Variants in ABHD16A observed in about 807,000 individuals in gnomAD.
ABHD16A encodes the protein abhydrolase domain containing 16A, phospholipase.
In ABHD16A, 47 loss-of-function variants were observed where a neutral mutation model predicts 89.8. That is an observed-to-expected ratio of 0.52 (90% CI 0.41 to 0.67). The LOEUF is 0.67. Ranked by LOEUF, ABHD16A falls within the 30% of genes least tolerant of loss-of-function variation. The pLI, the probability that ABHD16A is intolerant of heterozygous loss-of-function variation, is 0.00. For missense variants in ABHD16A, 580 were observed against 734.6 expected (o/e 0.79, Z 2.43); for synonymous variants, 251 against 280.4 (o/e 0.90, Z 1.05).
intron 3 of ABHD16A, 24 bp downstream of exon 3, chr6:31,701,250 C>T (rs1262968774): frequency 6.2e-7 from 1 of 1,605,304 alleles, no homozygotes; most frequent in Non-Finnish European, 8.5e-7. Context: ...TTTGCTACCC[C>T]ACCACCTTTG....
At chr6:31,691,738 G>A in intron 8 of ABHD16A, 58 bp from the exon 9 acceptor site, 1 of 1,534,178 alleles carries the variant, frequency 6.5e-7, no homozygotes, top group Non-Finnish European at 8.9e-7. Context: ...CATCACAGGG[G>A]TGGGGCGGGG....
intron 5 of ABHD16A, among the ~76,000 whole-genome samples, chr6:31,696,478 C>T (rs1298514925): frequency 1.3e-5 from 2 of 151,410 alleles, no homozygotes; most frequent in Admixed American, 6.6e-5. Flanking sequence ...ACAAAAAATA[C>T]AAAAATTAGA....
Position 31,689,017 on chromosome 6 carries a change from C to T in ABHD16A, c.1184G>A (p.Trp395Ter). Reference sequence around the variant, plus strand: ...GCAGGCCTGGGAGCTGCACTCACTCCAGCTGTCTGGCATGACCTTCAAGGC... The same window carrying T: ...GCAGGCCTGGGAGCTGCACTCACTCTAGCTGTCTGGCATGACCTTCAAGGC... ...PLALKVMPDS[W>*]RGLVTRTVRQ... Residue 395 changes from tryptophan to a stop codon, truncating the protein, a stop_gained and splice_region_variant, in exon 13 of 20, where the codon TGG becomes TAG. Coordinates refer to ENST00000395952, the MANE Select transcript of ABHD16A (RefSeq NM_021160.3). LOFTEE classifies it high-confidence loss of function. The T allele has an allele frequency of 6.2e-7, 1 of 1,613,072 alleles. No individual in the cohort carries two copies. Among genetic ancestry groups the T allele is most frequent in the Non-Finnish European group, 8.5e-7 (1 of 1,179,416 alleles).
At position 31,691,932 on chromosome 6, in the gene ABHD16A, A is replaced by G. The variant is rs375858593; in HGVS notation, c.627-14T>C. 6.9e-6 allele frequency: 11 copies of G among 1,587,028 alleles called. No individual in the cohort carries two copies. In the African/African-American group the frequency reaches 1.5e-4, roughly 21 times the overall value. On this transcript the variant is annotated splice_polypyrimidine_tract_variant and intron_variant, in intron 7 of 19. Coordinates refer to ENST00000395952, the MANE Select transcript of ABHD16A (RefSeq NM_021160.3). ...GCCACCAGGTAGCTGTGGGGAACACAGGTTAACAAACCCCAACCCTGTTGA... is the reference window on the plus strand; with the variant it reads ...GCCACCAGGTAGCTGTGGGGAACACGGGTTAACAAACCCCAACCCTGTTGA...
chr6:31,689,499 C>A, intron 12 of ABHD16A, 82 bp downstream of exon 12: 2 of 1,446,690 alleles, frequency 1.4e-6, no homozygotes, highest in Non-Finnish European at 1.8e-6. Context: ...GCCTCCACCC[C>A]ACCCCATTTC....
In ABHD16A at chr6:31,690,419, G is replaced by C. The variant is rs1583676513; in HGVS notation, c.907+120C>G. On this transcript the variant is annotated intron_variant, in intron 10 of 19. Transcript: ENST00000395952. This position sits in a 1 kb window ranked among gnomAD's most constrained non-coding sequence, Gnocchi z 4.1. Reference sequence around the variant, plus strand: ...AATGGCGAGTGGACTTTTCCCTAAAGCTGAGAGACTCAAAACCTCACCCAG... The same window carrying C: ...AATGGCGAGTGGACTTTTCCCTAAACCTGAGAGACTCAAAACCTCACCCAG... The C allele has an allele frequency of 2.7e-6, 3 of 1,127,874 alleles. No homozygotes were observed. Among genetic ancestry groups the C allele is most frequent in the East Asian group, 4.7e-5 (2 of 42,370 alleles). 69.9% of individuals were successfully genotyped at this position (1,127,874 alleles called of 1,614,324 possible). A position where few individuals can be genotyped will look rare whatever the true frequency, so the allele number is the denominator to read the frequency against.
At chr6:31,691,447 T>C (rs1803865645) in intron 9 of ABHD16A, 132 bp downstream of exon 9, 1 of 747,860 alleles carries the variant, frequency 1.3e-6, no homozygotes. Context: ...ACAAGGTCTT[T>C]AGCGTGGAGC....
chr6:31,700,987 C>G lies in ABHD16A; in HGVS notation c.298G>C (p.Ala100Pro), dbSNP rs1399554902. Reference protein sequence around the residue: ...LSKVVPFSHYAGTLLLLLAGV... With the variant: ...LSKVVPFSHYPGTLLLLLAGV... The stretch of plus-strand genomic sequence containing the variant: ...GCCAGAAGTAGCAGCAATGTCCCAG[C>G]ATAGTGAGAAAACGGCACCACTTTG... Residue 100 changes from alanine to proline, a missense_variant, in exon 4 of 20, where the codon GCT (alanine) becomes CCT (proline). Around this residue, in one of 2 missense-constraint regions of ABHD16A, gnomAD observed 165 missense variants for 165.8 expected, o/e 1.00. Coordinates refer to ENST00000395952, the MANE Select transcript of ABHD16A (RefSeq NM_021160.3). The G allele has an allele frequency of 2.5e-6, 4 of 1,613,936 alleles. No individual in the cohort carries two copies. Among genetic ancestry groups the G allele is most frequent in the Non-Finnish European group, 3.4e-6 (4 of 1,179,970 alleles).
intron 7 of ABHD16A, 91 bp downstream of exon 7, chr6:31,692,936 A>C: frequency 1.3e-6 from 2 of 1,549,932 alleles, no homozygotes; most frequent in Non-Finnish European, 1.8e-6. Flanking sequence ...CCAATGAGTG[A>C]CAGCTATTTT....
rs759676140 is a variant in ABHD16A, at chr6:31,687,397, TACA to T, written c.1593+98_1593+100del. On this transcript the variant is annotated intron_variant, in intron 19 of 19. Transcript: ENST00000395952. This position sits in a 1 kb window ranked among gnomAD's most constrained non-coding sequence, Gnocchi z 6.3. ...CCACTTCCGCATCCACCACCCACTC[TACA>T]AAAGCTGCCACTTCCAATGCTTATA... is the stretch of plus-strand genomic sequence containing the variant. 1.1e-4 allele frequency: 174 copies of T among 1,602,708 alleles called. No individual in the cohort carries two copies. Among genetic ancestry groups the T allele is most frequent in the Non-Finnish European group, 1.3e-4 (156 of 1,171,024 alleles).
intron 4 of ABHD16A, among the ~76,000 whole-genome samples, chr6:31,699,952 T>C (rs1804780507): frequency 6.6e-6 from 1 of 152,106 alleles, no homozygotes; most frequent in Non-Finnish European, 1.5e-5. Context: ...TTCACCATGT[T>C]GGACAGACTG....
At chr6:31,694,773 C>T (rs1190988310) in intron 5 of ABHD16A, among the ~76,000 whole-genome samples, 1 of 152,030 alleles carries the variant, frequency 6.6e-6, no homozygotes, top group Non-Finnish European at 1.5e-5. Context: ...TTATTTTCTG[C>T]ACAGAAATTT....
At position 31,688,898 on chromosome 6, in the gene ABHD16A, C is replaced by T. The variant is rs1803567996; in HGVS notation, c.1187-112G>A. 2.1e-6 allele frequency: 3 copies of T among 1,419,494 alleles called. No homozygotes were observed. In the African/African-American group the frequency reaches 4.3e-5, roughly 20 times the overall value. The allele number at this position is 1,419,494 out of a possible 1,614,324, so 87.9% of individuals were successfully genotyped here. On this transcript the variant is annotated intron_variant, in intron 13 of 19. Transcript: ENST00000395952. This position sits in a 1 kb window ranked among gnomAD's most constrained non-coding sequence, Gnocchi z 4.9. ...GAGGCCCCCAGACAAAGGAGTCCTC[C>T]TGCTTCCAACAATGGGGCGACTTAC...
intron 1 of ABHD16A, chr6:31,702,884 C>A: frequency 7.5e-7 from 1 of 1,332,672 alleles, no homozygotes. Flanking sequence ...GCACGAACCA[C>A]GACACACAGG....
In ABHD16A at chr6:31,690,630, G is replaced by A. The variant is rs574673478; in HGVS notation, c.844-28C>T. ...AGGAAGGAGGCAGGAAGGAAGGGCTGGGGGGCCAAGTTGGGACTGAAAAAC... is the reference window on the plus strand; with the variant it reads ...AGGAAGGAGGCAGGAAGGAAGGGCTAGGGGGCCAAGTTGGGACTGAAAAAC... On this transcript the variant is annotated intron_variant, in intron 9 of 19. Transcript: ENST00000395952. This position sits in a 1 kb window ranked among gnomAD's most constrained non-coding sequence, Gnocchi z 4.1. The A allele has an allele frequency of 6.2e-7, 1 of 1,610,820 alleles. No homozygotes were observed. Among genetic ancestry groups the A allele is most frequent in the East Asian group, 2.2e-5 (1 of 44,860 alleles).
chr6:31,690,163 G>A lies in ABHD16A; in HGVS notation c.908-36C>T, dbSNP rs1487577796. 2.6e-6 allele frequency: 4 copies of A among 1,546,516 alleles called. No individual in the cohort carries two copies. The highest frequency in any genetic ancestry group is 3.5e-6 in the Non-Finnish European group (4 of 1,144,536). On this transcript the variant is annotated intron_variant, in intron 10 of 19. Coordinates refer to ENST00000395952, the MANE Select transcript of ABHD16A (RefSeq NM_021160.3). This position sits in a 1 kb window ranked among gnomAD's most constrained non-coding sequence, Gnocchi z 4.1. ...GGGGGAGGAGGGACTGAGACCTTGT[G>A]GCCCACAGCCCTTTCTCCATCCCTG...
intron 2 of ABHD16A, 49 bp from the exon 3 acceptor site, chr6:31,701,389 ACCTGC>A: frequency 8.8e-7 from 1 of 1,134,304 alleles, no homozygotes; most frequent in Non-Finnish European, 1.3e-6. Context: ...ACACACACAC[ACCTGC>A]CATTCCAGGC....
intron 9 of ABHD16A, 72 bp downstream of exon 9, chr6:31,691,507 G>A (rs1803873008): frequency 1.4e-5 from 19 of 1,402,890 alleles, no homozygotes; most frequent in Non-Finnish European, 1.5e-5. Context: ...AGGTGCTATA[G>A]CATTGGGGTC....
chr6:31,695,085 T>C (rs1478023546), intron 5 of ABHD16A, among the ~76,000 whole-genome samples: 1 of 152,162 alleles, frequency 6.6e-6, no homozygotes, highest in East Asian at 1.9e-4. Flanking sequence ...GTACAGGGCA[T>C]CATTACGCAG....
Sources: allele counts gnomAD v4.1 joint callset (sites outside exome capture counted in the v4.1 genomes callset), GRCh38; gene constraint gnomAD v4.1.1; regional missense constraint gnomAD v4.1.1; non-coding constraint Gnocchi (gnomAD v3.1); transcripts MANE v1.5; gene names NCBI Gene and HGNC (gene_info 2026-07-23, HGNC 2026-07-21).